SLX4IP: variants seen among roughly 807,000 people sequenced by gnomAD.
The protein encoded by SLX4IP is protein SLX4IP.
Under a neutral mutation model 32.9 loss-of-function variants are expected in SLX4IP, and 34 were observed. That is an observed-to-expected ratio of 1.03 (90% CI 0.79 to 1.38). SLX4IP has a LOEUF of 1.38. SLX4IP is among the 40% of genes most tolerant of loss of function. The pLI, the probability that SLX4IP is intolerant of heterozygous loss-of-function variation, is 0.00. For missense variants in SLX4IP, 444 were observed against 479.0 expected (o/e 0.93, Z 0.68); for synonymous variants, 172 against 171.7 (o/e 1.00, Z -0.01).
intron 2 of SLX4IP, among the ~76,000 whole-genome samples, chr20:10,543,505 C>G (rs1483823300): frequency 6.6e-6 from 1 of 152,102 alleles, no homozygotes; most frequent in African/African-American, 2.4e-5. Context: ...CAGATGGAGG[C>G]AAGGAGAGGT....
At chr20:10,573,222 T>G (rs1391226200) in intron 4 of SLX4IP, among the ~76,000 whole-genome samples, 1 of 152,194 alleles carries the variant, frequency 6.6e-6, no homozygotes, top group Non-Finnish European at 1.5e-5. Flanking sequence ...TAAAATAAAT[T>G]TCAGAAGTGA....
At chr20:10,449,094 C>T (rs535207450) in intron 1 of SLX4IP, among the ~76,000 whole-genome samples, 35 of 152,204 alleles carry the variant, frequency 2.3e-4, no homozygotes, top group Non-Finnish European at 4.7e-4. Context: ...TTCAATTCAC[C>T]GTTTAATTCA....
chr20:10,531,843 T>C (rs1479989629), intron 2 of SLX4IP, among the ~76,000 whole-genome samples: 1 of 152,204 alleles, frequency 6.6e-6, no homozygotes, highest in African/African-American at 2.4e-5. Flanking sequence ...TACCAAGCCT[T>C]TGAGACAGAA....
intron 4 of SLX4IP, among the ~76,000 whole-genome samples, chr20:10,597,075 CTG>C (rs1190834145): frequency 1.3e-5 from 2 of 152,228 alleles, no homozygotes; most frequent in African/African-American, 4.8e-5. Context: ...AGCATCAAGT[CTG>C]TGGTCACTCA....
chr20:10,557,538 T>G (rs1450555111), intron 3 of SLX4IP, among the ~76,000 whole-genome samples: 1 of 152,240 alleles, frequency 6.6e-6, no homozygotes, highest in Admixed American at 6.5e-5. Context: ...TACTAACGCA[T>G]GTTGCTGTGA....
Position 10,623,341 on chromosome 20 carries a change from C to T in SLX4IP, c.1189C>T (p.Pro397Ser). 1 of 1,612,282 alleles carries T rather than the reference C, an allele frequency of 6.2e-7. No homozygotes were observed. The highest frequency in any genetic ancestry group is 8.5e-7 in the Non-Finnish European group (1 of 1,179,410). ...AAGATTATCTACAATTCAGAACAGC[C>T]CAACCAAGAAAAGAAAGAAATACGA... is the stretch of plus-strand genomic sequence containing the variant. ...TERLSTIQNS[P>S]TKKRKKYERG... Residue 397 changes from proline to serine, a missense_variant, in exon 8 of 8, where the codon CCA becomes TCA. Physicochemically the swap from Pro to Ser is moderately conservative, Grantham distance 74. Coordinates refer to ENST00000334534, the MANE Select transcript of SLX4IP (RefSeq NM_001009608.3).
At chr20:10,457,671 A>G (rs150404010) in intron 1 of SLX4IP, among the ~76,000 whole-genome samples, 1 of 151,716 alleles carries the variant, frequency 6.6e-6, no homozygotes, top group East Asian at 1.9e-4. Flanking sequence ...TTTTCTTGTG[A>G]TGTCTCTCTC....
At chr20:10,522,854 G>A (rs1415283221) in intron 2 of SLX4IP, among the ~76,000 whole-genome samples, 1 of 152,178 alleles carries the variant, frequency 6.6e-6, no homozygotes, top group East Asian at 1.9e-4. Flanking sequence ...GAGGAAGGGG[G>A]TCCCACCACA....
intron 2 of SLX4IP, among the ~76,000 whole-genome samples, chr20:10,461,750 C>G (rs1180915706): frequency 6.6e-6 from 1 of 152,156 alleles, no homozygotes; most frequent in Non-Finnish European, 1.5e-5. Flanking sequence ...TTGCCTTTCC[C>G]TGTTTTTCTT....
At chr20:10,519,618 C>T (rs933200000) in intron 2 of SLX4IP, among the ~76,000 whole-genome samples, 1 of 152,180 alleles carries the variant, frequency 6.6e-6, no homozygotes, top group Non-Finnish European at 1.5e-5. Context: ...ATCCATTTAT[C>T]AGTTGAGGGA....
At chr20:10,613,883 G>A (rs1301226750) in intron 6 of SLX4IP, 17 of 1,515,016 alleles carry the variant, frequency 1.1e-5, no homozygotes, top group South Asian at 2.2e-5. Flanking sequence ...AAGCTTGAAC[G>A]TCCTCTAAAG....
At chr20:10,437,414 G>A (rs1319366562) in intron 1 of SLX4IP, among the ~76,000 whole-genome samples, 1 of 152,028 alleles carries the variant, frequency 6.6e-6, no homozygotes, top group Non-Finnish European at 1.5e-5. Flanking sequence ...GAGACCCTCT[G>A]GATGAAATTA....
chr20:10,561,466 A>G (rs2122503215), intron 4 of SLX4IP, among the ~76,000 whole-genome samples: 1 of 152,062 alleles, frequency 6.6e-6, no homozygotes, highest in South Asian at 2.1e-4. Flanking sequence ...TATGAGTGAG[A>G]ACATGTGATA....
chr20:10,571,688 G>T lies in SLX4IP; in HGVS notation c.238+10868G>T, dbSNP rs529458913. Among the ~76,000 whole-genome samples, 11 of 152,268 alleles carry T rather than the reference G, an allele frequency of 7.2e-5. No individual in the cohort carries two copies. The South Asian group carries it at 1.0e-3, about 14-fold the overall frequency. On this transcript the variant is annotated intron_variant, in intron 4 of 7. Coordinates refer to ENST00000334534, the MANE Select transcript of SLX4IP (RefSeq NM_001009608.3). ...CAGTTTCATTGAGGACAGGAGTCTT[G>T]TCCTGTTCAGCACCCACTGCAGAGC...
chr20:10,607,881 A>G (rs1202923684), intron 6 of SLX4IP, among the ~76,000 whole-genome samples: 1 of 152,216 alleles, frequency 6.6e-6, no homozygotes, highest in Non-Finnish European at 1.5e-5. Context: ...TCTTTTCTTA[A>G]TAATGAAATC....
intron 2 of SLX4IP, among the ~76,000 whole-genome samples, chr20:10,470,602 C>T (rs1031460030): frequency 2.0e-5 from 3 of 152,156 alleles, no homozygotes. Context: ...CACACATGCA[C>T]ACACTTGTGC....
chr20:10,487,527 C>T (rs2065585419), intron 2 of SLX4IP, among the ~76,000 whole-genome samples: 1 of 152,142 alleles, frequency 6.6e-6, no homozygotes, highest in African/African-American at 2.4e-5. Flanking sequence ...CTGCAAAGTG[C>T]CACTGCCGGG....
chr20:10,457,640 A>G (rs1183537628), intron 1 of SLX4IP, among the ~76,000 whole-genome samples: 1 of 152,038 alleles, frequency 6.6e-6, no homozygotes, highest in African/African-American at 2.4e-5. Context: ...TTGTGTCTTC[A>G]TAAGGGACAT....
At chr20:10,460,599 A>C (rs967972737) in intron 2 of SLX4IP, among the ~76,000 whole-genome samples, 1 of 152,150 alleles carries the variant, frequency 6.6e-6, no homozygotes, top group African/African-American at 2.4e-5. Context: ...GTAGCATCTT[A>C]AGACTTGCAC....
Sources: allele counts gnomAD v4.1 joint callset (sites outside exome capture counted in the v4.1 genomes callset), GRCh38; gene constraint gnomAD v4.1.1; transcripts MANE v1.5; gene names NCBI Gene and HGNC (gene_info 2026-07-23, HGNC 2026-07-21).